The following DLG2 variants were observed in gnomAD, a reference collection of about 807,000 sequenced individuals.
The protein encoded by DLG2 is discs large MAGUK scaffold protein 2.
Under a neutral mutation model 132.5 loss-of-function variants are expected in DLG2, and 45 were observed. The ratio of observed to expected loss-of-function variants is 0.34; its 90% confidence interval spans 0.27 to 0.44. DLG2 has a LOEUF of 0.44. Ranked by LOEUF, DLG2 falls within the 20% of genes least tolerant of loss-of-function variation. The probability of loss-of-function intolerance (pLI) is 1.00; values close to 1 mark genes in which losing one functional copy is unlikely to be tolerated. For synonymous variants in DLG2, 424 were observed against 419.6 expected (o/e 1.01, Z -0.13); for missense variants, 1,045 against 1,196.9 (o/e 0.87, Z 1.87).
chr11:84,218,412 G>GGAAGGAAT (rs1293008784), intron 8 of DLG2, among the ~76,000 whole-genome samples: 1 of 151,336 alleles, frequency 6.6e-6, no homozygotes, highest in African/African-American at 2.4e-5. Flanking sequence ...AAGGAAGGAA[G>GGAAGGAAT]GATTGACAGA....
At position 83,846,927 on chromosome 11, in the gene DLG2, A is replaced by ATTT. The variant is rs1555051374; in HGVS notation, c.1566-13158_1566-13157insAAA. On this transcript the variant is annotated intron_variant, in intron 16 of 27. Coordinates refer to ENST00000376104, the MANE Select transcript of DLG2 (RefSeq NM_001142699.3). ...CTTTTCATAACCATACCTTCTAATC[A>ATTT]TTATCTCCCAAGCCAAAAAAAAAAA... Among the ~76,000 whole-genome samples, 29 of 130,940 alleles carry ATTT rather than the reference A, an allele frequency of 2.2e-4. 1 individual carries two copies. In the South Asian group the frequency reaches 6.8e-3, roughly 31 times the overall value. 85.9% of individuals were successfully genotyped at this position (130,940 alleles called of 152,430 possible).
At chr11:84,438,605 A>T (rs953232526) in intron 7 of DLG2, among the ~76,000 whole-genome samples, 1 of 152,174 alleles carries the variant, frequency 6.6e-6, no homozygotes, top group Non-Finnish European at 1.5e-5. Flanking sequence ...GAATTTTCAC[A>T]TTTGATTCTA....
intron 18 of DLG2, among the ~76,000 whole-genome samples, chr11:83,775,883 G>A (rs2094561496): frequency 6.6e-6 from 1 of 152,098 alleles, no homozygotes; most frequent in Non-Finnish European, 1.5e-5. Context: ...ACAAGATCAG[G>A]AGATCGAGAC....
intron 3 of DLG2, among the ~76,000 whole-genome samples, chr11:85,567,158 G>A (rs1260667940): frequency 6.6e-6 from 1 of 152,066 alleles, no homozygotes; most frequent in Non-Finnish European, 1.5e-5. Flanking sequence ...TATTTGAGAC[G>A]CCCTCATAAT....
At chr11:84,571,089 C>G (rs962782199) in intron 6 of DLG2, among the ~76,000 whole-genome samples, 1 of 152,106 alleles carries the variant, frequency 6.6e-6, no homozygotes, top group Admixed American at 6.6e-5. Flanking sequence ...CCACACATAC[C>G]TATACTATAA....
intron 3 of DLG2, among the ~76,000 whole-genome samples, chr11:85,341,000 A>G (rs2082455464): frequency 6.6e-6 from 1 of 152,224 alleles, no homozygotes. Context: ...TCTCAGAACC[A>G]TTTATTAATG....
chr11:84,425,197 G>A (rs2154469292), intron 7 of DLG2, among the ~76,000 whole-genome samples: 1 of 152,180 alleles, frequency 6.6e-6, no homozygotes, highest in East Asian at 1.9e-4. Flanking sequence ...GACTTCAAAG[G>A]CTGCAGATGA....
intron 9 of DLG2, among the ~76,000 whole-genome samples, chr11:84,115,217 T>G (rs891052171): frequency 1.3e-5 from 2 of 152,186 alleles, no homozygotes; most frequent in Non-Finnish European, 2.9e-5. Flanking sequence ...CAAACTCCCC[T>G]CAGCCCACCA....
At chr11:84,366,544 A>C (rs558773747) in intron 7 of DLG2, among the ~76,000 whole-genome samples, 6 of 152,136 alleles carry the variant, frequency 3.9e-5, no homozygotes, top group African/African-American at 1.4e-4. Flanking sequence ...AAGACCCATC[A>C]GTGTGTTGTA....
At chr11:85,216,330 T>C (rs1005543006) in intron 4 of DLG2, among the ~76,000 whole-genome samples, 3 of 152,196 alleles carry the variant, frequency 2.0e-5, no homozygotes, top group African/African-American at 7.2e-5. Context: ...GCCATTTTTT[T>C]CATGGAAATA....
chr11:83,762,840 C>G (rs1469499674), intron 18 of DLG2, among the ~76,000 whole-genome samples: 2 of 152,194 alleles, frequency 1.3e-5, no homozygotes, highest in African/African-American at 4.8e-5. Context: ...CTCGGCCCTC[C>G]AAAGTGCTGG....
intron 4 of DLG2, among the ~76,000 whole-genome samples, chr11:85,178,364 G>T (rs1419782075): frequency 6.6e-6 from 1 of 151,924 alleles, no homozygotes; most frequent in Non-Finnish European, 1.5e-5. Context: ...GAGAATCTGA[G>T]TAAAAGTTAT....
intron 7 of DLG2, among the ~76,000 whole-genome samples, chr11:84,526,687 T>C (rs946985417): frequency 6.6e-6 from 1 of 152,080 alleles, no homozygotes; most frequent in Non-Finnish European, 1.5e-5. Flanking sequence ...AATTTAATTA[T>C]GTGATAACAT....
intron 18 of DLG2, among the ~76,000 whole-genome samples, chr11:83,735,194 C>T (rs2153707036): frequency 6.6e-6 from 1 of 152,014 alleles, no homozygotes; most frequent in East Asian, 1.9e-4. Flanking sequence ...TTTCTTTGGC[C>T]TTTTAAGGTA....
intron 20 of DLG2, among the ~76,000 whole-genome samples, chr11:83,537,333 G>A (rs1162048624): frequency 6.6e-6 from 1 of 152,094 alleles, no homozygotes; most frequent in Non-Finnish European, 1.5e-5. Context: ...TTTGTCCTTC[G>A]GAGTTCCTAT....
At chr11:84,648,991 T>C (rs1287142072) in intron 6 of DLG2, among the ~76,000 whole-genome samples, 1 of 152,202 alleles carries the variant, frequency 6.6e-6, no homozygotes, top group Non-Finnish European at 1.5e-5. Flanking sequence ...TTATTATTTT[T>C]TTTCTAAAGC....
chr11:85,553,685 C>T (rs960679179), intron 3 of DLG2, among the ~76,000 whole-genome samples: 2 of 151,446 alleles, frequency 1.3e-5, no homozygotes, highest in African/African-American at 4.8e-5. Context: ...ACACATTATA[C>T]ATTTATAAAA....
intron 21 of DLG2, among the ~76,000 whole-genome samples, chr11:83,513,942 T>TACTACA (rs1350940196): frequency 6.6e-6 from 1 of 152,208 alleles, no homozygotes; most frequent in Non-Finnish European, 1.5e-5. Flanking sequence ...CCTTGTAGTA[T>TACTACA]AGTTTGAAGT....
intron 6 of DLG2, among the ~76,000 whole-genome samples, chr11:84,867,966 C>G (rs1458733381): frequency 6.6e-6 from 1 of 151,850 alleles, no homozygotes; most frequent in African/African-American, 2.4e-5. Flanking sequence ...CCCAGCTACT[C>G]GGGAGGCCGA....
Sources: allele counts gnomAD v4.1 joint callset (sites outside exome capture counted in the v4.1 genomes callset), GRCh38; gene constraint gnomAD v4.1.1; transcripts MANE v1.5; gene names NCBI Gene and HGNC (gene_info 2026-07-23, HGNC 2026-07-21).